Variants in PTPRD observed in about 807,000 individuals in gnomAD.
The protein encoded by PTPRD is receptor-type tyrosine-protein phosphatase delta.
A neutral mutation model predicts 214.5 loss-of-function variants in PTPRD; 34 were observed. The observed-to-expected ratio is 0.16, with a 90% CI of 0.12 to 0.21. The LOEUF (loss-of-function observed/expected upper bound fraction) is 0.21, where lower values mean the gene tolerates loss of function less well. Ranked by LOEUF, PTPRD falls within the 10% of genes least tolerant of loss-of-function variation. The pLI, the probability that PTPRD is intolerant of heterozygous loss-of-function variation, is 1.00. For missense variants in PTPRD, 2,545 were observed against 2,398.7 expected (o/e 1.06, Z -1.27); for synonymous variants, 1,128 against 845.7 (o/e 1.33, Z -5.79).
At chr9:10,240,226 T>G (rs1301990995) in intron 3 of PTPRD, among the ~76,000 whole-genome samples, 2 of 151,970 alleles carry the variant, frequency 1.3e-5, no homozygotes, top group Admixed American at 1.3e-4. Context: ...AAACAGATCG[T>G]TTTCTCTGTA....
intron 10 of PTPRD, among the ~76,000 whole-genome samples, chr9:9,062,013 A>G (rs1425856984): frequency 6.6e-6 from 1 of 152,134 alleles, no homozygotes; most frequent in South Asian, 2.1e-4. Flanking sequence ...TTAATAAACC[A>G]AGCATCTTTA....
chr9:9,644,728 G>A (rs893402765), intron 7 of PTPRD, among the ~76,000 whole-genome samples: 1 of 151,974 alleles, frequency 6.6e-6, no homozygotes. Context: ...AACCACACTG[G>A]CCCACCAATC....
intron 3 of PTPRD, among the ~76,000 whole-genome samples, chr9:10,157,615 G>C (rs1455503075): frequency 1.3e-5 from 2 of 151,922 alleles, no homozygotes; most frequent in Admixed American, 6.6e-5. Flanking sequence ...ATGTGACTTG[G>C]AAATGATCTT....
At chr9:10,106,011 T>C (rs1591330592) in intron 3 of PTPRD, among the ~76,000 whole-genome samples, 1 of 65,630 alleles carries the variant, frequency 1.5e-5, no homozygotes, top group East Asian at 3.9e-4. Context: ...CTATCACATA[T>C]TCAAAAAAAA....
chr9:8,550,971 T>C (rs565630330), intron 14 of PTPRD, among the ~76,000 whole-genome samples: 32 of 152,316 alleles, frequency 2.1e-4, no homozygotes, highest in African/African-American at 6.5e-4. Context: ...TCACCAACAA[T>C]AGCATCCCAG....
At chr9:9,408,825 C>G (rs1344947923) in intron 8 of PTPRD, among the ~76,000 whole-genome samples, 2 of 151,730 alleles carry the variant, frequency 1.3e-5, no homozygotes, top group East Asian at 3.9e-4. Context: ...AAAGTGCGTT[C>G]TCAGTAATCA....
At chr9:9,975,468 C>A (rs368361965) in intron 4 of PTPRD, among the ~76,000 whole-genome samples, 2 of 152,208 alleles carry the variant, frequency 1.3e-5, no homozygotes, top group African/African-American at 4.8e-5. Flanking sequence ...GGATTGAGAA[C>A]TGTTGAGCCA....
At chr9:9,365,254 T>TA (rs1209870830) in intron 9 of PTPRD, among the ~76,000 whole-genome samples, 2 of 151,532 alleles carry the variant, frequency 1.3e-5, no homozygotes, top group African/African-American at 2.4e-5. Context: ...TGACCAGAGA[T>TA]ATTGACTAAG....
chr9:8,618,689 T>G (rs1382574134), intron 14 of PTPRD, among the ~76,000 whole-genome samples: 1 of 151,970 alleles, frequency 6.6e-6, no homozygotes, highest in Non-Finnish European at 1.5e-5. Flanking sequence ...AATATCTTTA[T>G]TAATTTACTT....
chr9:8,737,665 T>C (rs1259741183), intron 11 of PTPRD, among the ~76,000 whole-genome samples: 1 of 152,184 alleles, frequency 6.6e-6, no homozygotes, highest in Admixed American at 6.5e-5. Flanking sequence ...TCCTTCTTTC[T>C]TGAGACAGAG....
intron 7 of PTPRD, among the ~76,000 whole-genome samples, chr9:9,688,912 A>G (rs2097212978): frequency 6.6e-6 from 1 of 151,834 alleles, no homozygotes; most frequent in Non-Finnish European, 1.5e-5. Context: ...TAATAGATGG[A>G]TATGTGAATG....
chr9:10,051,071 C>T (rs2097527507), intron 3 of PTPRD, among the ~76,000 whole-genome samples: 1 of 151,976 alleles, frequency 6.6e-6, no homozygotes, highest in Admixed American at 6.6e-5. Context: ...AGATTTGACA[C>T]CCACATAAAA....
intron 7 of PTPRD, among the ~76,000 whole-genome samples, chr9:9,654,814 CT>C (rs975106605): frequency 1.1e-4 from 17 of 152,060 alleles, no homozygotes; most frequent in African/African-American, 3.9e-4. Flanking sequence ...TAACAAATGA[CT>C]TTCTCTCTTT....
At chr9:10,454,938 C>G (rs73390345) in intron 2 of PTPRD, among the ~76,000 whole-genome samples, 8,625 of 151,710 alleles carry the variant, frequency 0.057, 762 homozygotes, top group African/African-American at 0.19. Flanking sequence ...ACCTCAGTAA[C>G]AGGCAAGAAA....
At chr9:9,996,630 G>T (rs2096131750) in intron 4 of PTPRD, among the ~76,000 whole-genome samples, 1 of 152,172 alleles carries the variant, frequency 6.6e-6, no homozygotes, top group Admixed American at 6.5e-5. Context: ...TTGAAGTTGT[G>T]CTGTATTAAA....
intron 3 of PTPRD, among the ~76,000 whole-genome samples, chr9:10,324,858 G>C (rs1413692430): frequency 1.3e-5 from 2 of 151,830 alleles, no homozygotes; most frequent in Non-Finnish European, 1.5e-5. Context: ...CAAAGTTTTG[G>C]AACTAATTTA....
At chr9:9,664,339 C>CA (rs911155531) in intron 7 of PTPRD, among the ~76,000 whole-genome samples, 8 of 151,448 alleles carry the variant, frequency 5.3e-5, no homozygotes, top group African/African-American at 1.9e-4. Context: ...ACGCATAGGG[C>CA]AAAAAAGATC....
At chr9:9,280,346 A>G (rs914915482) in intron 9 of PTPRD, among the ~76,000 whole-genome samples, 1 of 151,286 alleles carries the variant, frequency 6.6e-6, no homozygotes, top group Non-Finnish European at 1.5e-5. Context: ...ATAACATATA[A>G]CTGAATAACT....
chr9:8,879,136 C>T (rs2098420466), intron 11 of PTPRD, among the ~76,000 whole-genome samples: 1 of 152,164 alleles, frequency 6.6e-6, no homozygotes, highest in South Asian at 2.1e-4. Context: ...AGGCCTGGGT[C>T]CCCAAGTATC....
Sources: allele counts gnomAD v4.1 joint callset (sites outside exome capture counted in the v4.1 genomes callset), GRCh38; gene constraint gnomAD v4.1.1; transcripts MANE v1.5; gene names NCBI Gene and HGNC (gene_info 2026-07-23, HGNC 2026-07-21).